Variants in TAF8 observed in about 807,000 individuals in gnomAD.
The protein encoded by TAF8 is transcription initiation factor TFIID subunit 8.
TAF8 carries 47 observed loss-of-function variants against 36.5 expected under a neutral mutation model. The observed-to-expected ratio is 1.29, with a 90% confidence interval of 1.02 to 1.64. The LOEUF (loss-of-function observed/expected upper bound fraction) is 1.64. Among genes scored for constraint, TAF8 ranks in the 40% most tolerant of loss-of-function variants. TAF8 has a pLI of 0.00. For missense variants in TAF8, 420 were observed against 407.6 expected, an observed-to-expected ratio of 1.03 and a Z score of -0.26; for synonymous variants, 175 against 159.5, an observed-to-expected ratio of 1.10 and a Z score of -0.73.
At position 42,051,340 on chromosome 6, in the gene TAF8, T is replaced by G; in HGVS notation, c.46-17T>G. 6.2e-7 allele frequency: 1 copy of G among 1,604,720 alleles called. No homozygotes were observed. Among genetic ancestry groups the G allele is most frequent in the Non-Finnish European group, 8.5e-7 (1 of 1,172,330 alleles). ...CATCCTTCTCCTGTGGATGAAAATC[T>G]CTCTGCTGATTCACAGAGATCGGGA... On this transcript the variant is annotated splice_polypyrimidine_tract_variant and intron_variant, in intron 1 of 8. Coordinates refer to ENST00000372977, the MANE Select transcript of TAF8 (RefSeq NM_138572.3).
intron 5 of TAF8, among the ~76,000 whole-genome samples, chr6:42,065,757 A>G (rs1261791799): frequency 1.3e-5 from 2 of 152,248 alleles, no homozygotes; most frequent in East Asian, 1.9e-4. Flanking sequence ...CTCCAAGACA[A>G]TCTCTACAGT....
chr6:42,052,613 C>T (rs1764835795), intron 2 of TAF8, among the ~76,000 whole-genome samples: 1 of 152,210 alleles, frequency 6.6e-6, no homozygotes, highest in African/African-American at 2.4e-5. Flanking sequence ...TGAGCCACTA[C>T]ACCCAGCTGA....
Position 42,079,746 on chromosome 6 carries a change from AT to A in TAF8, c.*2205del. ...TTTTTTTTTTTTTAGTAGACACGGGATTTTGCTATGTTGCCCAGGCTGGTCT... is the reference window on the plus strand; with the variant it reads ...TTTTTTTTTTTTTAGTAGACACGGGATTTGCTATGTTGCCCAGGCTGGTCT... On this transcript the variant is annotated 3_prime_UTR_variant, in exon 9 of 9. Coordinates refer to ENST00000372977, the MANE Select transcript of TAF8 (RefSeq NM_138572.3). 1 of 591,846 alleles carries A rather than the reference AT, an allele frequency of 1.7e-6. No homozygotes were observed. Among genetic ancestry groups the A allele is most frequent in the Non-Finnish European group, 2.1e-6 (1 of 478,676 alleles). 36.7% of individuals were successfully genotyped at this position (591,846 alleles called of 1,614,324 possible). A position where few individuals can be genotyped will look rare whatever the true frequency, so the allele number is the denominator to read the frequency against.
chr6:42,077,282 C>A, intron 8 of TAF8, 43 bp downstream of exon 8: 1 of 1,590,536 alleles, frequency 6.3e-7, no homozygotes. Flanking sequence ...ACTGTCCCAC[C>A]GAGGTGGTCT....
chr6:42,077,335 G>T lies in TAF8; in HGVS notation c.920+96G>T, dbSNP rs1037680413. The T allele has an allele frequency of 5.3e-6, 8 of 1,515,010 alleles. No individual in the cohort carries two copies. In the Admixed American group the frequency reaches 1.1e-4, roughly 21 times the overall value. The allele number at this position is 1,515,010 out of a possible 1,614,324, so 93.8% of individuals were successfully genotyped here. On this transcript the variant is annotated intron_variant, in intron 8 of 8. Transcript: ENST00000372977. The stretch of plus-strand genomic sequence containing the variant: ...AGTCTCCTCAGTGGGGCGGAGCCTT[G>T]GGGAAAGCCACTCTGGTGAGAGGGA...
chr6:42,080,197 C>T lies in TAF8; in HGVS notation c.*2652C>T, dbSNP rs1765879727. ...CAAGCCGTGGCCAATCCCAGCTGTT[C>T]TCACTGCTCTTGGGAGGTGTTGTCC... On this transcript the variant is annotated 3_prime_UTR_variant, in exon 9 of 9. Transcript: ENST00000372977. 2.0e-6 allele frequency: 2 copies of T among 985,350 alleles called. No individual in the cohort carries two copies. The highest frequency in any genetic ancestry group is 6.2e-5 in the Admixed American group (1 of 16,254). 61.0% of individuals were successfully genotyped at this position (985,350 alleles called of 1,614,324 possible).
Position 42,051,476 on chromosome 6 carries a change from AG to A in TAF8, c.166del (p.Ala56HisfsTer6). ...AGGCAGGGTTTGAGAGTGCCGAGAA[AG>A]CATCCGTGGAAACGCTGACAGAGAT... ...TEAGFESAEK[A>X]SVETLTEMLQ... On this transcript the variant is annotated frameshift_variant, in exon 2 of 9. Transcript: ENST00000372977. LOFTEE classifies it high-confidence loss of function. 1 of 1,614,124 alleles carries A rather than the reference AG, an allele frequency of 6.2e-7. No individual in the cohort carries two copies. Among genetic ancestry groups the A allele is most frequent in the Non-Finnish European group, 8.5e-7 (1 of 1,180,018 alleles).
intron 7 of TAF8, among the ~76,000 whole-genome samples, chr6:42,072,714 C>T (rs1174907066): frequency 6.6e-6 from 1 of 151,806 alleles, no homozygotes; most frequent in Middle Eastern, 3.4e-3. Context: ...AAGTAAATAA[C>T]TGGTTTTTTT....
At chr6:42,075,272 G>A (rs1765704686) in intron 7 of TAF8, among the ~76,000 whole-genome samples, 1 of 152,162 alleles carries the variant, frequency 6.6e-6, no homozygotes, top group African/African-American at 2.4e-5. Flanking sequence ...GCCTGAACTA[G>A]GTTGGTCCTG....
intron 5 of TAF8, among the ~76,000 whole-genome samples, chr6:42,061,497 T>C (rs1427152170): frequency 6.6e-6 from 1 of 152,200 alleles, no homozygotes; most frequent in East Asian, 1.9e-4. Flanking sequence ...AGGACCAAAA[T>C]GAGACAAGTG....
intron 5 of TAF8, chr6:42,057,770 A>C: frequency 3.1e-6 from 1 of 319,680 alleles, no homozygotes. Context: ...AAAATAAATA[A>C]ATAAAGAAAA....
intron 7 of TAF8, chr6:42,071,347 A>ATTTTTTTT (rs1765563716): frequency 7.2e-6 from 1 of 138,862 alleles, no homozygotes; most frequent in African/African-American, 4.3e-5. Context: ...TTTTTTTTAG[A>ATTTTTTTT]TAGAGTCTCG....
intron 5 of TAF8, chr6:42,057,793 A>G: frequency 5.0e-6 from 2 of 402,718 alleles, no homozygotes; most frequent in Non-Finnish European, 8.8e-6. Flanking sequence ...AAAAGAATTC[A>G]GATTATCTTT....
chr6:42,055,891 A>G (rs760725094), intron 3 of TAF8, 61 bp from the exon 4 acceptor site: 7 of 1,148,248 alleles, frequency 6.1e-6, no homozygotes, highest in African/African-American at 1.5e-5. Context: ...TACTACTACT[A>G]TTCTTTCTGT....
chr6:42,056,043 C>G (rs768883027), intron 4 of TAF8, 29 bp downstream of exon 4: 2 of 1,414,864 alleles, frequency 1.4e-6, no homozygotes. Context: ...AGGTACTTAG[C>G]AATTTTTCAA....
In TAF8 at chr6:42,057,388, G is replaced by T; in HGVS notation, c.365-1G>T. On this transcript the variant is annotated splice_acceptor_variant, in intron 4 of 8. Coordinates refer to ENST00000372977, the MANE Select transcript of TAF8 (RefSeq NM_138572.3). LOFTEE classifies it high-confidence loss of function. ...GGTAATCAGTTGTGACTCTGTTGCA[G>T]CTCCGGTGACCAATCAGCCAGTGAC... 6.2e-7 allele frequency: 1 copy of T among 1,614,050 alleles called. No individual in the cohort carries two copies. Among genetic ancestry groups the T allele is most frequent in the African/African-American group, 1.3e-5 (1 of 75,004 alleles).
chr6:42,087,394 T>TTA (rs1259122398), downstream of TAF8: 2 of 130,228 alleles, frequency 1.5e-5, no homozygotes, highest in Admixed American at 1.7e-4. Context: ...TACTTTATAT[T>TTA]AACTCATATA....
intron 5 of TAF8, among the ~76,000 whole-genome samples, chr6:42,059,332 G>A (rs1052714335): frequency 3.3e-5 from 5 of 151,872 alleles, no homozygotes; most frequent in Admixed American, 2.0e-4. Flanking sequence ...GCAGTGAGCC[G>A]TGATTGCACC....
rs192957471 is a variant in TAF8 at position 42,082,126 on chromosome 6, C to G, written c.*4581C>G. 6.6e-6 allele frequency: 1 copy of G among 152,260 alleles called. No individual in the cohort carries two copies. The highest frequency in any genetic ancestry group is 6.5e-5 in the Admixed American group (1 of 15,290). 9.4% of individuals were successfully genotyped at this position (152,260 alleles called of 1,614,324 possible). ...CGTGTGTGTTATGTGTGTGTTGTTC[C>G]GTGCAGTTTCATCGTGTAGATTTGT... On this transcript the variant is annotated 3_prime_UTR_variant, in exon 9 of 9. Transcript: ENST00000372977.
Sources: gnomAD v4.1 joint callset for allele counts (sites outside exome capture counted in the v4.1 genomes callset) on GRCh38, gnomAD v4.1.1 for gene constraint, MANE v1.5 for transcripts, NCBI Gene and HGNC (gene_info 2026-07-23, HGNC 2026-07-21) for gene names.